Variants in MTRFR observed in about 807,000 individuals in gnomAD.
MTRFR encodes the protein probable peptide chain release factor C12orf65, mitochondrial.
MTRFR carries 10 observed loss-of-function variants against 11.9 expected under a neutral mutation model. The ratio of observed to expected loss-of-function variants is 0.84; its 90% CI spans 0.52 to 1.42. The LOEUF (loss-of-function observed/expected upper bound fraction) is 1.42. MTRFR is among the 40% of genes most tolerant of loss of function. MTRFR has a pLI of 0.00. For missense variants in MTRFR, 196 were observed against 197.9 expected, an observed-to-expected ratio of 0.99 and a Z score of 0.06; for synonymous variants, 77 against 79.1, an observed-to-expected ratio of 0.97 and a Z score of 0.14.
At chr12:123,241,342 GT>G (rs1167228537) in intron 1 of MTRFR, among the ~76,000 whole-genome samples, 1 of 151,572 alleles carries the variant, frequency 6.6e-6, no homozygotes, top group Non-Finnish European at 1.5e-5. Context: ...TGTTGTTGTT[GT>G]TTTTTGAGAC....
At position 123,253,769 on chromosome 12, in the gene MTRFR, T is replaced by TATCC. The variant is rs863223926; in HGVS notation, c.96_99dup (p.Pro34IlefsTer25). ...CGGCTTTGGGAGAAGCTGACGTTGT[T>TATCC]ATCCCCAGGAATAGCTGTCACTCCG... On this transcript the variant is annotated frameshift_variant, in exon 2 of 3. Coordinates refer to ENST00000253233, the MANE Select transcript of MTRFR (RefSeq NM_152269.5). LOFTEE classifies it high-confidence loss of function. The TATCC allele has an allele frequency of 9.7e-5, 156 of 1,614,064 alleles. No homozygotes were observed. Among genetic ancestry groups the TATCC allele is most frequent in the Non-Finnish European group, 1.2e-4 (141 of 1,180,046 alleles).
At chr12:123,252,008 A>G (rs2048119423) in intron 1 of MTRFR, 1 of 152,304 alleles carries the variant, frequency 6.6e-6, no homozygotes, top group Non-Finnish European at 1.5e-5. Flanking sequence ...CACTGGAGAA[A>G]GATGTAGGCA....
At chr12:123,253,195 C>G (rs1298709594) in intron 1 of MTRFR, among the ~76,000 whole-genome samples, 1 of 146,976 alleles carries the variant, frequency 6.8e-6, no homozygotes, top group Non-Finnish European at 1.5e-5. Flanking sequence ...GCACCCACCA[C>G]CAAGCCCGGC....
At chr12:123,234,259 C>T (rs2047793099) in intron 1 of MTRFR, among the ~76,000 whole-genome samples, 1 of 152,202 alleles carries the variant, frequency 6.6e-6, no homozygotes. Flanking sequence ...AAGGGACTTC[C>T]CTGGCACTAT....
intron 2 of MTRFR, 109 bp downstream of exon 2, chr12:123,254,065 G>T: frequency 7.3e-7 from 1 of 1,371,390 alleles, no homozygotes; most frequent in Non-Finnish European, 9.9e-7. Context: ...TTATTTTTCT[G>T]GCTTGGGCCA....
chr12:123,234,360 A>G (rs1229164525), intron 1 of MTRFR, among the ~76,000 whole-genome samples: 1 of 149,132 alleles, frequency 6.7e-6, no homozygotes, highest in African/African-American at 2.5e-5. Context: ...CTTCCTAAGT[A>G]TACCTACCAA....
upstream of MTRFR, chr12:123,233,123 C>A (rs1169213441): frequency 2.8e-5 from 4 of 143,082 alleles, no homozygotes; most frequent in African/African-American, 9.7e-5. Flanking sequence ...AGCGGCCTCT[C>A]GCGACCGTTA....
chr12:123,247,712 A>G (rs1287689048), intron 1 of MTRFR, among the ~76,000 whole-genome samples: 1 of 152,150 alleles, frequency 6.6e-6, no homozygotes, highest in East Asian at 1.9e-4. Flanking sequence ...TTGGGAGGCC[A>G]AGGTGGGCGG....
At chr12:123,250,130 C>G (rs2048095917) in intron 1 of MTRFR, 1 of 152,162 alleles carries the variant, frequency 6.6e-6, no homozygotes, top group East Asian at 1.9e-4. Context: ...TGTCTTCGAG[C>G]TCTGAATTTC....
chr12:123,249,862 G>T (rs548614786), intron 1 of MTRFR: 1 of 152,260 alleles, frequency 6.6e-6, no homozygotes, highest in Non-Finnish European at 1.5e-5. Flanking sequence ...CCTAGATGAA[G>T]ATCTTTTTGC....
At chr12:123,239,891 A>T (rs1226199711) in intron 1 of MTRFR, among the ~76,000 whole-genome samples, 1 of 151,974 alleles carries the variant, frequency 6.6e-6, no homozygotes, top group Non-Finnish European at 1.5e-5. Context: ...CCCTCCCATC[A>T]CACTCCTTTA....
At chr12:123,244,930 ATTTTTTTTTTTT>A (rs544105176) in intron 1 of MTRFR, among the ~76,000 whole-genome samples, 2 of 65,098 alleles carry the variant, frequency 3.1e-5, no homozygotes, top group African/African-American at 1.0e-4. Context: ...CGCACCCGGC[ATTTTTTTTTTTT>A]TTTTTTTTTT....
rs1317813325 is a variant in MTRFR, at chr12:123,241,136, GGGTT to G, written c.-29+7607_-29+7610del. Among the ~76,000 whole-genome samples the G allele has an allele frequency of 2.9e-4, 43 of 149,528 alleles. 1 individual carries two copies. In the South Asian group the frequency reaches 3.1e-3, roughly 11 times the overall value. ...CCTCCTACATCTAGGCTTTTATTTGGGGTTGTTTTTTTTTTGTTTTTGTTTTTTT... is the reference window on the plus strand; with the variant it reads ...CCTCCTACATCTAGGCTTTTATTTGGGTTTTTTTTTTGTTTTTGTTTTTTT... On this transcript the variant is annotated intron_variant, in intron 1 of 2. Transcript: ENST00000253233.
At position 123,253,840 on chromosome 12, in the gene MTRFR, G is replaced by C. The variant is rs748299535; in HGVS notation, c.166G>C (p.Asp56His). Reference protein sequence around the residue: ...KKDYPALLSLDENELEEQFVK... With the variant: ...KKDYPALLSLHENELEEQFVK... ...GGACTACCCTGCACTGCTTTCCTTG[G>C]ATGAGAATGAACTCGAAGAGCAGTT... The change falls in exon 2 of 3, where the codon GAT becomes CAT. Residue 56 changes from aspartate (D) to histidine (H), a missense_variant. Physicochemically the swap from Asp to His is moderately conservative, Grantham distance 81. Coordinates refer to ENST00000253233, the MANE Select transcript of MTRFR (RefSeq NM_152269.5). 2.5e-6 allele frequency: 4 copies of C among 1,614,052 alleles called. No individual in the cohort carries two copies. The highest frequency in any genetic ancestry group is 3.4e-6 in the Non-Finnish European group (4 of 1,180,028).
intron 1 of MTRFR, among the ~76,000 whole-genome samples, chr12:123,235,795 G>A (rs1024546914): frequency 2.6e-5 from 4 of 152,016 alleles, no homozygotes; most frequent in African/African-American, 9.7e-5. Context: ...CGGGCGTGGT[G>A]GCTCATGCCT....
intron 1 of MTRFR, among the ~76,000 whole-genome samples, chr12:123,243,152 C>G (rs2047969451): frequency 1.3e-5 from 2 of 152,134 alleles, no homozygotes; most frequent in African/African-American, 4.8e-5. Context: ...GTTTTTAAAG[C>G]ACCACTTTCC....
intron 1 of MTRFR, 186 bp from the exon 2 acceptor site, chr12:123,253,461 A>G (rs2048140572): frequency 1.7e-6 from 1 of 594,416 alleles, no homozygotes; most frequent in African/African-American, 1.9e-5. Flanking sequence ...GTAACATGGC[A>G]GACAGTGCAA....
chr12:123,237,473 G>C (rs2047869610), intron 1 of MTRFR, among the ~76,000 whole-genome samples: 1 of 152,174 alleles, frequency 6.6e-6, no homozygotes, highest in South Asian at 2.1e-4. Context: ...TGTGTGAAGT[G>C]AATGTTTTCC....
At chr12:123,245,750 A>T (rs924127182) in intron 1 of MTRFR, among the ~76,000 whole-genome samples, 2 of 152,130 alleles carry the variant, frequency 1.3e-5, no homozygotes, top group African/African-American at 4.8e-5. Flanking sequence ...TGTGTATGTT[A>T]ATCTTGTATC....
Sources: allele counts gnomAD v4.1 joint callset (sites outside exome capture counted in the v4.1 genomes callset), GRCh38; gene constraint gnomAD v4.1.1; transcripts MANE v1.5; gene names NCBI Gene and HGNC (gene_info 2026-07-23, HGNC 2026-07-21).